Variants in PBX3 observed in about 807,000 individuals in gnomAD.
The protein encoded by PBX3 is pre-B-cell leukemia transcription factor 3.
In PBX3, 14 loss-of-function variants were observed where a neutral mutation model predicts 48.5. The ratio of observed to expected loss-of-function variants is 0.29; its 90% CI spans 0.19 to 0.45. The LOEUF is 0.45. Among genes scored for constraint, PBX3 ranks in the 20% least tolerant of loss-of-function variants. PBX3 has a pLI of 1.00. For synonymous variants in PBX3, 210 were observed against 200.3 expected (o/e 1.05, Z -0.41); for missense variants, 386 against 546.7 (o/e 0.71, Z 2.93).
At chr9:125,778,176 G>C (rs920667278) in intron 2 of PBX3, among the ~76,000 whole-genome samples, 2 of 151,806 alleles carry the variant, frequency 1.3e-5, no homozygotes, top group Non-Finnish European at 2.9e-5. Context: ...TGGCCATGCT[G>C]GTCTCAAACT....
intron 5 of PBX3, among the ~76,000 whole-genome samples, chr9:125,936,395 C>G (rs553094807): frequency 6.6e-6 from 1 of 152,110 alleles, no homozygotes; most frequent in African/African-American, 2.4e-5. Flanking sequence ...AAGAGCATTT[C>G]TTTATAGCAT....
chr9:125,823,730 T>A (rs1479380080), intron 2 of PBX3, among the ~76,000 whole-genome samples: 1 of 152,176 alleles, frequency 6.6e-6, no homozygotes, highest in Non-Finnish European at 1.5e-5. Context: ...GAGAAGGAAG[T>A]ACAGATCCAA....
chr9:125,919,962 A>G (rs910901446), intron 3 of PBX3, among the ~76,000 whole-genome samples: 5 of 152,140 alleles, frequency 3.3e-5, no homozygotes, highest in Non-Finnish European at 7.4e-5. Context: ...TTGTTCTTTT[A>G]TCATATGTCT....
At position 125,963,029 on chromosome 9, in the gene PBX3, T is replaced by A. The variant is rs550677932; in HGVS notation, c.1140T>A (p.His380Gln). The change falls in exon 8 of 9, where the codon CAT becomes CAA. Residue 380 changes from histidine (H) to glutamine (Q), a missense_variant. Around this residue, in one of 4 missense-constraint regions of PBX3, gnomAD observed 127 missense variants for 143.3 expected, o/e 0.89. Coordinates refer to ENST00000373489, the MANE Select transcript of PBX3 (RefSeq NM_006195.6). Reference protein sequence around the residue: ...NVQSQVDTLRHVINQTGGYSD... With the variant: ...NVQSQVDTLRQVINQTGGYSD... ...ACTTCTAGGTGGATACCCTCCGTCA[T>A]GTTATCAATCAGACGGGAGGCTACA... The A allele has an allele frequency of 1.3e-4, 213 of 1,605,706 alleles. 1 individual carries two copies. The South Asian group carries it at 2.3e-3, about 17-fold the overall frequency.
chr9:125,803,971 A>G (rs1324526357), intron 2 of PBX3, among the ~76,000 whole-genome samples: 1 of 152,236 alleles, frequency 6.6e-6, no homozygotes, highest in Admixed American at 6.5e-5. Context: ...TAACTGGTGT[A>G]AAAGAAGAGC....
intron 3 of PBX3, among the ~76,000 whole-genome samples, chr9:125,922,415 G>A (rs776245701): frequency 1.3e-5 from 2 of 152,082 alleles, no homozygotes; most frequent in Non-Finnish European, 2.9e-5. Flanking sequence ...AAAGAAAAAG[G>A]CTTCTGCCAG....
intron 5 of PBX3, among the ~76,000 whole-genome samples, chr9:125,947,855 C>T (rs915056116): frequency 6.6e-6 from 1 of 152,022 alleles, no homozygotes; most frequent in East Asian, 1.9e-4. Flanking sequence ...TTGTGTTGAT[C>T]TAATAATATC....
intron 2 of PBX3, among the ~76,000 whole-genome samples, chr9:125,784,584 G>A (rs1051132121): frequency 6.6e-6 from 1 of 152,116 alleles, no homozygotes; most frequent in Non-Finnish European, 1.5e-5. Context: ...AATTATTTTT[G>A]TAAAGTTGAT....
chr9:125,928,291 ATTGC>A (rs1349528166), intron 3 of PBX3, among the ~76,000 whole-genome samples: 1 of 151,868 alleles, frequency 6.6e-6, no homozygotes. Flanking sequence ...AGATGGGAGG[ATTGC>A]TTGAGCCCAG....
Position 125,923,897 on chromosome 9 carries a change from C to T in PBX3, c.517-5758C>T, listed in dbSNP as rs149622348. Among the ~76,000 whole-genome samples the T allele has an allele frequency of 4.2e-3, 637 of 152,164 alleles. 2 individuals carry two copies. The highest frequency in any genetic ancestry group is 7.2e-3 in the Non-Finnish European group (489 of 68,010). ...GTTTTATTTTAGAGACAAATTCTCA[C>T]TCTGTCGCTCAGGCTAGAGTGTAGT... On this transcript the variant is annotated intron_variant, in intron 3 of 8. Coordinates refer to ENST00000373489, the MANE Select transcript of PBX3 (RefSeq NM_006195.6).
At chr9:125,895,474 T>C (rs927614006) in intron 2 of PBX3, among the ~76,000 whole-genome samples, 2 of 152,038 alleles carry the variant, frequency 1.3e-5, no homozygotes, top group African/African-American at 4.8e-5. Context: ...AATTTAAACT[T>C]GCATTTTCTT....
At chr9:125,801,029 G>A (rs762978172) in intron 2 of PBX3, among the ~76,000 whole-genome samples, 8 of 152,126 alleles carry the variant, frequency 5.3e-5, no homozygotes, top group Non-Finnish European at 1.0e-4. Flanking sequence ...GGGATTACAG[G>A]CATGAGCCAC....
chr9:125,793,367 AT>A (rs536976399), intron 2 of PBX3, among the ~76,000 whole-genome samples: 340 of 23,236 alleles, frequency 0.015, 5 homozygotes, highest in African/African-American at 0.026. Flanking sequence ...GAAAAAAAAA[AT>A]ATATATATAT....
At chr9:125,951,798 C>T (rs1479050203) in intron 5 of PBX3, among the ~76,000 whole-genome samples, 3 of 152,160 alleles carry the variant, frequency 2.0e-5, no homozygotes, top group Non-Finnish European at 4.4e-5. Flanking sequence ...CCGTTTGGCT[C>T]TCAAACCCAT....
At chr9:125,747,881 C>A (rs1219371893) in intron 1 of PBX3, among the ~76,000 whole-genome samples, 2 of 151,796 alleles carry the variant, frequency 1.3e-5, no homozygotes, top group Non-Finnish European at 2.9e-5. Flanking sequence ...CGGTGCGGCG[C>A]GGATTCCGTG....
rs60326557 is a variant in PBX3 at position 125,943,352 on chromosome 9, C to CAAAAAAAAAAAAA, written c.843+7780_843+7792dup. On this transcript the variant is annotated intron_variant, in intron 5 of 8. Coordinates refer to ENST00000373489, the MANE Select transcript of PBX3 (RefSeq NM_006195.6). Reference sequence around the variant, plus strand: ...CTTGGGCTGCAGAGTGAGACTGTCTCAAAAAAAAAAAAAAAAAAAAAAAAA... The same window carrying CAAAAAAAAAAAAA: ...CTTGGGCTGCAGAGTGAGACTGTCTCAAAAAAAAAAAAAAAAAAAAAAAAAAAAAAAAAAAAAA... Among the ~76,000 whole-genome samples the CAAAAAAAAAAAAA allele has an allele frequency of 3.0e-4, 18 of 60,880 alleles. 1 individual carries two copies. The highest frequency in any genetic ancestry group is 4.1e-4 in the Non-Finnish European group (13 of 31,360). 39.9% of individuals were successfully genotyped at this position (60,880 alleles called of 152,430 possible).
At chr9:125,790,314 G>A (rs554617360) in intron 2 of PBX3, among the ~76,000 whole-genome samples, 21 of 147,888 alleles carry the variant, frequency 1.4e-4, no homozygotes, top group Middle Eastern at 3.7e-3. Flanking sequence ...GTGTGGTAGC[G>A]CGATCTCAGC....
chr9:125,930,700 C>G (rs1056569017), intron 4 of PBX3, among the ~76,000 whole-genome samples: 2 of 152,160 alleles, frequency 1.3e-5, no homozygotes, highest in Non-Finnish European at 2.9e-5. Context: ...TTCATTTTAG[C>G]TCTTTATTTT....
At chr9:125,847,542 T>A (rs772236136) in intron 2 of PBX3, among the ~76,000 whole-genome samples, 18 of 151,960 alleles carry the variant, frequency 1.2e-4, no homozygotes, top group Non-Finnish European at 8.8e-5. Flanking sequence ...AGTAAAATAG[T>A]GGTATGCTCA....
Sources: gnomAD v4.1 joint callset for allele counts (sites outside exome capture counted in the v4.1 genomes callset) on GRCh38, gnomAD v4.1.1 for gene constraint, gnomAD v4.1.1 regional missense constraint, MANE v1.5 for transcripts, NCBI Gene and HGNC (gene_info 2026-07-23, HGNC 2026-07-21) for gene names.